SCHIP1: variants seen among roughly 807,000 people sequenced by gnomAD.
SCHIP1 encodes schwannomin-interacting protein 1.
Under a neutral mutation model 29.7 loss-of-function variants are expected in SCHIP1, and 8 were observed. The observed-to-expected ratio is 0.27, with a 90% CI of 0.16 to 0.49. SCHIP1 has a LOEUF of 0.49. Among genes scored for constraint, SCHIP1 ranks in the 20% least tolerant of loss-of-function variants. The probability of loss-of-function intolerance (pLI) is 0.99; values close to 1 mark genes in which losing one functional copy is unlikely to be tolerated. For synonymous variants in SCHIP1, 76 were observed against 94.9 expected (o/e 0.80, Z 1.16); for missense variants, 193 against 294.6 (o/e 0.66, Z 2.52).
chr3:159,373,332 C>T, the SCHIP1 span, among the ~76,000 whole-genome samples: 30,468 of 151,012 alleles, frequency 0.2, 4,323 homozygotes, highest in African/African-American at 0.4. Context: ...TATGTATTTA[C>T]GGGATAAAAA....
the SCHIP1 span, among the ~76,000 whole-genome samples, chr3:159,832,793 C>T: frequency 1.3e-5 from 2 of 152,192 alleles, no homozygotes; most frequent in Non-Finnish European, 2.9e-5. Context: ...TAAATGTGGG[C>T]TTCCTACCCT....
the SCHIP1 span, among the ~76,000 whole-genome samples, chr3:159,527,134 A>G: frequency 6.6e-6 from 1 of 152,298 alleles, no homozygotes; most frequent in South Asian, 2.1e-4. Flanking sequence ...CCCTTTCACA[A>G]CTTTCTGAGA....
chr3:159,833,318 C>A, the SCHIP1 span, among the ~76,000 whole-genome samples: 1 of 152,158 alleles, frequency 6.6e-6, no homozygotes. Context: ...AGGGACAGCC[C>A]ACCTTCCTTG....
the SCHIP1 span, among the ~76,000 whole-genome samples, chr3:159,495,951 A>C: frequency 6.6e-6 from 1 of 152,216 alleles, no homozygotes; most frequent in Admixed American, 6.5e-5. Context: ...ATAATGCCGC[A>C]TATCTACAAC....
chr3:159,645,318 C>T, the SCHIP1 span, among the ~76,000 whole-genome samples: 1 of 152,124 alleles, frequency 6.6e-6, no homozygotes, highest in Non-Finnish European at 1.5e-5. Flanking sequence ...ATTACACTCA[C>T]CAACATATCC....
chr3:159,485,635 A>C, the SCHIP1 span, among the ~76,000 whole-genome samples: 1 of 152,128 alleles, frequency 6.6e-6, no homozygotes, highest in East Asian at 1.9e-4. Context: ...CTTCCAATGG[A>C]GGGTTTGAAT....
the SCHIP1 span, among the ~76,000 whole-genome samples, chr3:159,463,020 T>A: frequency 6.6e-6 from 1 of 152,026 alleles, no homozygotes; most frequent in East Asian, 1.9e-4. Context: ...TACATTGTAT[T>A]TATTATATAG....
At chr3:159,389,940 A>G in the SCHIP1 span, among the ~76,000 whole-genome samples, 3 of 151,360 alleles carry the variant, frequency 2.0e-5, no homozygotes, top group Non-Finnish European at 4.4e-5. Flanking sequence ...CCATATAAAT[A>G]CAATCGACTT....
the SCHIP1 span, among the ~76,000 whole-genome samples, chr3:159,569,394 A>G: frequency 6.6e-6 from 1 of 151,830 alleles, no homozygotes; most frequent in Non-Finnish European, 1.5e-5. Context: ...TTCAATTCCC[A>G]CCTATATGTG....
chr3:159,498,956 G>A, the SCHIP1 span, among the ~76,000 whole-genome samples: 10 of 152,256 alleles, frequency 6.6e-5, no homozygotes, highest in African/African-American at 2.2e-4. Flanking sequence ...CAAGAGTGGA[G>A]TCTTCATTGG....
At chr3:159,407,293 A>G in the SCHIP1 span, among the ~76,000 whole-genome samples, 2 of 152,336 alleles carry the variant, frequency 1.3e-5, no homozygotes, top group East Asian at 1.9e-4. Flanking sequence ...GGGACAAAAA[A>G]TGTCGTTATA....
At chr3:159,460,739 C>A in the SCHIP1 span, among the ~76,000 whole-genome samples, 1 of 152,196 alleles carries the variant, frequency 6.6e-6, no homozygotes, top group East Asian at 1.9e-4. Context: ...TAGTCTTGGA[C>A]AAACTTGGGT....
At chr3:159,710,168 C>T in the SCHIP1 span, among the ~76,000 whole-genome samples, 1 of 151,996 alleles carries the variant, frequency 6.6e-6, no homozygotes, top group Admixed American at 6.6e-5. Flanking sequence ...TTCACAACAG[C>T]CAAGATATAG....
the SCHIP1 span, among the ~76,000 whole-genome samples, chr3:159,698,360 T>C: frequency 4.6e-5 from 7 of 152,240 alleles, no homozygotes; most frequent in Admixed American, 2.0e-4. Flanking sequence ...GATTCTTTCA[T>C]TTCATCAAAA....
the SCHIP1 span, among the ~76,000 whole-genome samples, chr3:159,494,844 G>A: frequency 5.3e-5 from 8 of 152,136 alleles, no homozygotes; most frequent in African/African-American, 1.9e-4. Context: ...GAACATTGAT[G>A]CAAAAATCCT....
the SCHIP1 span, among the ~76,000 whole-genome samples, chr3:159,348,489 G>C: frequency 1.3e-5 from 2 of 151,994 alleles, no homozygotes; most frequent in East Asian, 3.9e-4. Flanking sequence ...TATCTAACTC[G>C]TACTTTTTAT....
chr3:159,444,166 AG>A, the SCHIP1 span, among the ~76,000 whole-genome samples: 1 of 152,174 alleles, frequency 6.6e-6, no homozygotes, highest in Non-Finnish European at 1.5e-5. Flanking sequence ...GCTGTGAGCA[AG>A]GGGAGCGCAA....
At chr3:159,790,688 A>G in the SCHIP1 span, among the ~76,000 whole-genome samples, 3 of 152,350 alleles carry the variant, frequency 2.0e-5, no homozygotes, top group East Asian at 5.8e-4. Context: ...TGTCTCAAAA[A>G]GAAAACAAAA....
chr3:159,713,849 C>G, the SCHIP1 span, among the ~76,000 whole-genome samples: 1 of 146,370 alleles, frequency 6.8e-6, no homozygotes, highest in Non-Finnish European at 1.5e-5. Context: ...TATTTTACAG[C>G]AAAGCAAACA....
Sources: gnomAD v4.1 joint callset for allele counts (sites outside exome capture counted in the v4.1 genomes callset) on GRCh38, gnomAD v4.1.1 for gene constraint, MANE v1.5 for transcripts, NCBI Gene and HGNC (gene_info 2026-07-23, HGNC 2026-07-21) for gene names.